The following CACNA2D3 variants were observed in gnomAD, a reference collection of about 807,000 sequenced individuals.
CACNA2D3 encodes calcium voltage-gated channel auxiliary subunit alpha2delta 3, also known as voltage-dependent calcium channel subunit alpha-2/delta-3.
In CACNA2D3, 60 loss-of-function variants were observed where a neutral mutation model predicts 160.6. That is an observed-to-expected ratio of 0.37 (90% CI 0.30 to 0.46). The LOEUF is 0.46. Among genes scored for constraint, CACNA2D3 ranks in the 20% least tolerant of loss-of-function variants. The pLI is 1.00. For synonymous variants in CACNA2D3, 558 were observed against 492.9 expected (o/e 1.13, Z -1.75); for missense variants, 1,205 against 1,365.0 (o/e 0.88, Z 1.85).
At chr3:54,623,854 C>T (rs1260342833) in intron 9 of CACNA2D3, among the ~76,000 whole-genome samples, 2 of 152,160 alleles carry the variant, frequency 1.3e-5, no homozygotes, top group Non-Finnish European at 2.9e-5. Flanking sequence ...CTACATGTGG[C>T]TCAAGGCTAC....
intron 2 of CACNA2D3, among the ~76,000 whole-genome samples, chr3:54,299,212 TAAAA>T (rs10663745): frequency 1.8e-4 from 27 of 147,082 alleles, no homozygotes; most frequent in African/African-American, 6.7e-4. Context: ...GTTCCATTAT[TAAAA>T]AAAAAAAACC....
chr3:54,955,645 A>G lies in CACNA2D3; in HGVS notation c.2450-12805A>G, dbSNP rs915787593. On this transcript the variant is annotated intron_variant, in intron 27 of 37. Coordinates refer to ENST00000474759, the MANE Select transcript of CACNA2D3 (RefSeq NM_018398.3). ...ATATCATTCTTTGAGTCCCAACAGA[A>G]TGTTGGTGGAATGGAGAAATGTGTA... Among the ~76,000 whole-genome samples the G allele has an allele frequency of 2.6e-5, 4 of 152,114 alleles. No individual in the cohort carries two copies. In the South Asian group the frequency reaches 6.2e-4, roughly 24 times the overall value.
intron 3 of CACNA2D3, among the ~76,000 whole-genome samples, chr3:54,320,884 G>T (rs1703973592): frequency 6.6e-6 from 1 of 152,092 alleles, no homozygotes; most frequent in Non-Finnish European, 1.5e-5. Flanking sequence ...GGTACACTAG[G>T]GTTCAACTAA....
At chr3:54,621,968 C>A (rs562203958) in intron 9 of CACNA2D3, among the ~76,000 whole-genome samples, 1 of 151,814 alleles carries the variant, frequency 6.6e-6, no homozygotes, top group Admixed American at 6.6e-5. Flanking sequence ...TTTTTCGGGT[C>A]CCCCAGGGAG....
intron 2 of CACNA2D3, among the ~76,000 whole-genome samples, chr3:54,269,193 G>A (rs1443602648): frequency 3.9e-5 from 6 of 152,054 alleles, no homozygotes; most frequent in African/African-American, 1.4e-4. Context: ...GCCCCACCTG[G>A]ATTTGAATTC....
intron 4 of CACNA2D3, among the ~76,000 whole-genome samples, chr3:54,418,440 G>T (rs1311230938): frequency 6.6e-6 from 1 of 152,176 alleles, no homozygotes; most frequent in Non-Finnish European, 1.5e-5. Context: ...AGGAATTATA[G>T]CTTAAAGGCG....
chr3:55,059,216 C>G (rs965663475), intron 35 of CACNA2D3, among the ~76,000 whole-genome samples: 3 of 152,120 alleles, frequency 2.0e-5, no homozygotes, highest in Non-Finnish European at 4.4e-5. Context: ...CCCAACAATT[C>G]ACATGGAAAT....
chr3:54,713,768 C>T (rs902198777), intron 11 of CACNA2D3, among the ~76,000 whole-genome samples: 1 of 152,210 alleles, frequency 6.6e-6, no homozygotes, highest in African/African-American at 2.4e-5. Context: ...GAGAGAGCCA[C>T]TCTCCTGCCT....
intron 35 of CACNA2D3, among the ~76,000 whole-genome samples, chr3:55,056,729 CACTT>C (rs1191642111): frequency 1.3e-5 from 2 of 152,102 alleles, no homozygotes; most frequent in Non-Finnish European, 2.9e-5. Context: ...TGCATGTTCT[CACTT>C]ATATGTGGAA....
At chr3:54,772,632 G>A (rs1461217108) in intron 13 of CACNA2D3, among the ~76,000 whole-genome samples, 1 of 152,008 alleles carries the variant, frequency 6.6e-6, no homozygotes, top group Non-Finnish European at 1.5e-5. Flanking sequence ...ATGACTTAAT[G>A]TTAACAACAT....
At position 54,319,773 on chromosome 3, in the gene CACNA2D3, T is replaced by A. The variant is rs191095906; in HGVS notation, c.205-669T>A. Among the ~76,000 whole-genome samples, 232 of 152,178 alleles carry A rather than the reference T, an allele frequency of 1.5e-3. 2 individuals are homozygous for A. Among genetic ancestry groups the A allele is most frequent in the Non-Finnish European group, 7.4e-4 (50 of 68,008 alleles). On this transcript the variant is annotated intron_variant, in intron 2 of 37. Transcript: ENST00000474759. ...ATTCAAAAAGTGATTAATACAAGGA[T>A]AAAAAAACTCATTGCATGTTAACAT...
chr3:54,474,716 G>C (rs1350692797), intron 4 of CACNA2D3, among the ~76,000 whole-genome samples: 1 of 151,962 alleles, frequency 6.6e-6, no homozygotes, highest in Non-Finnish European at 1.5e-5. Flanking sequence ...GGAACAAACA[G>C]AAGAAGGAGG....
At chr3:54,236,885 T>C (rs1361056774) in intron 2 of CACNA2D3, among the ~76,000 whole-genome samples, 1 of 152,110 alleles carries the variant, frequency 6.6e-6, no homozygotes, top group South Asian at 2.1e-4. Context: ...TATCGTAGTA[T>C]ATCATGCCAT....
intron 2 of CACNA2D3, among the ~76,000 whole-genome samples, chr3:54,279,381 A>G (rs989152953): frequency 6.6e-6 from 1 of 152,138 alleles, no homozygotes; most frequent in Non-Finnish European, 1.5e-5. Flanking sequence ...CCCTACTAGT[A>G]TGTATGCCCA....
At chr3:54,678,818 T>C (rs956965264) in intron 11 of CACNA2D3, among the ~76,000 whole-genome samples, 140 of 151,758 alleles carry the variant, frequency 9.2e-4, no homozygotes, top group African/African-American at 3.3e-3. Flanking sequence ...TTTCTCAGGT[T>C]TAAAAATTAA....
At chr3:54,371,819 T>A (rs1178656188) in intron 3 of CACNA2D3, among the ~76,000 whole-genome samples, 1 of 152,206 alleles carries the variant, frequency 6.6e-6, no homozygotes, top group Non-Finnish European at 1.5e-5. Flanking sequence ...AATTTTGAAG[T>A]CAAGAAATCT....
intron 3 of CACNA2D3, among the ~76,000 whole-genome samples, chr3:54,351,272 G>A (rs573643292): frequency 2.6e-5 from 4 of 152,084 alleles, no homozygotes; most frequent in African/African-American, 7.2e-5. Flanking sequence ...ATGAGCTACC[G>A]CGCCCGGCCT....
chr3:54,939,860 G>A (rs12487849), intron 27 of CACNA2D3, among the ~76,000 whole-genome samples: 66,771 of 152,090 alleles, frequency 0.44, 15,681 homozygotes, highest in East Asian at 0.75. Context: ...AACAAAAGCC[G>A]CTGGCCATGC....
At chr3:55,000,206 A>T (rs1451935848) in intron 31 of CACNA2D3, among the ~76,000 whole-genome samples, 1 of 152,218 alleles carries the variant, frequency 6.6e-6, no homozygotes, top group Non-Finnish European at 1.5e-5. Context: ...AACTGTAATC[A>T]GCCGAACAGG....
Sources: gnomAD v4.1 joint callset for allele counts (sites outside exome capture counted in the v4.1 genomes callset) on GRCh38, gnomAD v4.1.1 for gene constraint, MANE v1.5 for transcripts, NCBI Gene and HGNC (gene_info 2026-07-23, HGNC 2026-07-21) for gene names.